Variants in CEP70 observed in about 807,000 individuals in gnomAD.
CEP70 encodes centrosomal protein of 70 kDa.
CEP70 carries 70 observed loss-of-function variants against 90.9 expected under a neutral mutation model. That is an observed-to-expected ratio of 0.77 (90% confidence interval 0.64 to 0.94). CEP70 has a LOEUF of 0.94. Among genes scored for constraint, CEP70 ranks in the 40% least tolerant of loss-of-function variants. The pLI is 0.00. For synonymous variants in CEP70, 220 were observed against 228.3 expected (o/e 0.96, Z 0.33); for missense variants, 648 against 669.0 (o/e 0.97, Z 0.35).
At chr3:138,506,687 T>G (rs2035016880) in intron 12 of CEP70, among the ~76,000 whole-genome samples, 1 of 152,184 alleles carries the variant, frequency 6.6e-6, no homozygotes, top group Non-Finnish European at 1.5e-5. Context: ...TTTAGAAGCT[T>G]TTTAAGTCCA....
At chr3:138,582,758 C>T (rs2041929988) in intron 2 of CEP70, among the ~76,000 whole-genome samples, 1 of 151,816 alleles carries the variant, frequency 6.6e-6, no homozygotes. Context: ...AACTAGACTC[C>T]ATCTCAAAAA....
intron 17 of CEP70, chr3:138,496,012 A>G: frequency 1.0e-6 from 1 of 985,380 alleles, no homozygotes; most frequent in Non-Finnish European, 1.2e-6. Flanking sequence ...TTTCTTCCTA[A>G]GACTATCTTA....
At chr3:138,591,784 T>C (rs751816125) in intron 2 of CEP70, 70 bp downstream of exon 2, 169 of 1,193,588 alleles carry the variant, frequency 1.4e-4, no homozygotes, top group Non-Finnish European at 2.0e-4. Context: ...CCTAGTATAG[T>C]ACTCAATAAA....
At chr3:138,527,462 A>G (rs907684721) in intron 10 of CEP70, among the ~76,000 whole-genome samples, 2 of 151,754 alleles carry the variant, frequency 1.3e-5, no homozygotes, top group Non-Finnish European at 2.9e-5. Context: ...TGGGAGGCCG[A>G]GGCGGGCGGA....
chr3:138,507,205 T>C (rs2035066372), intron 12 of CEP70, among the ~76,000 whole-genome samples: 1 of 152,106 alleles, frequency 6.6e-6, no homozygotes, highest in Non-Finnish European at 1.5e-5. Context: ...ACCTAGGAAA[T>C]AACAAGGTAT....
At chr3:138,511,846 T>C (rs779781577) in intron 11 of CEP70, among the ~76,000 whole-genome samples, 3 of 152,334 alleles carry the variant, frequency 2.0e-5, no homozygotes, top group African/African-American at 4.8e-5. Flanking sequence ...CATAGGAAAC[T>C]GGTTCACTTA....
intron 2 of CEP70, among the ~76,000 whole-genome samples, chr3:138,576,133 C>A (rs181192818): frequency 3.3e-5 from 5 of 152,044 alleles, no homozygotes; most frequent in African/African-American, 1.2e-4. Flanking sequence ...GGCTAAATGC[C>A]CCAATTAAAA....
intron 11 of CEP70, among the ~76,000 whole-genome samples, chr3:138,509,805 CTG>C (rs1168993157): frequency 1.3e-5 from 2 of 152,114 alleles, no homozygotes; most frequent in Non-Finnish European, 2.9e-5. Flanking sequence ...CATGCTGTAA[CTG>C]TATACATACA....
intron 2 of CEP70, among the ~76,000 whole-genome samples, chr3:138,576,302 C>T (rs1369009944): frequency 3.9e-5 from 6 of 152,084 alleles, no homozygotes; most frequent in African/African-American, 1.2e-4. Context: ...GGTTGCAATC[C>T]TAGTCTCTGA....
At chr3:138,545,416 A>G (rs925073141) in intron 6 of CEP70, among the ~76,000 whole-genome samples, 3 of 151,988 alleles carry the variant, frequency 2.0e-5, no homozygotes, top group African/African-American at 7.3e-5. Flanking sequence ...TAATCTCTTA[A>G]TCCTGTTATC....
At chr3:138,590,342 CTGG>C (rs2042318031) in intron 2 of CEP70, among the ~76,000 whole-genome samples, 2 of 152,028 alleles carry the variant, frequency 1.3e-5, no homozygotes, top group Non-Finnish European at 2.9e-5. Flanking sequence ...AATCTGAAGA[CTGG>C]AAGTAGAATA....
chr3:138,518,713 A>G (rs1029777032), intron 11 of CEP70, among the ~76,000 whole-genome samples: 5 of 152,206 alleles, frequency 3.3e-5, no homozygotes, highest in Non-Finnish European at 7.4e-5. Context: ...AAAGGTAGAT[A>G]AAACCACAAA....
chr3:138,570,990 A>G, intron 5 of CEP70, 44 bp downstream of exon 5: 1 of 1,444,234 alleles, frequency 6.9e-7, no homozygotes, highest in Non-Finnish European at 9.2e-7. Context: ...TTATTTTTAG[A>G]ACGCATACAA....
At chr3:138,523,460 G>T (rs1007935831) in intron 11 of CEP70, among the ~76,000 whole-genome samples, 2 of 152,088 alleles carry the variant, frequency 1.3e-5, no homozygotes, top group African/African-American at 2.4e-5. Flanking sequence ...TGACATGATT[G>T]TATATCTAGA....
At chr3:138,554,132 C>T (rs1379569841) in intron 6 of CEP70, among the ~76,000 whole-genome samples, 3 of 150,424 alleles carry the variant, frequency 2.0e-5, no homozygotes, top group East Asian at 2.0e-4. Flanking sequence ...ACCTGGGAGG[C>T]GGAGATTTCA....
chr3:138,531,066 C>T (rs892606692), intron 8 of CEP70, among the ~76,000 whole-genome samples: 2 of 152,124 alleles, frequency 1.3e-5, no homozygotes, highest in Non-Finnish European at 1.5e-5. Flanking sequence ...AAATATCTGA[C>T]CCAAGGATAA....
intron 10 of CEP70, among the ~76,000 whole-genome samples, chr3:138,528,500 T>C (rs2037504288): frequency 6.6e-6 from 1 of 152,196 alleles, no homozygotes; most frequent in South Asian, 2.1e-4. Context: ...TGATTAGCTT[T>C]AGAGCAAAGG....
At position 138,571,294 on chromosome 3, in the gene CEP70, C is replaced by T. The variant is rs1166738857; in HGVS notation, c.132G>A (p.Leu44=). ...VLLMMHGLKP[L]SLVKRTDLKD... ...TGAGATCTGTTCTTTTGACTAGAGA[C>T]AAAGGTTTTAAGCCATGCATCATCA... is the stretch of plus-strand genomic sequence containing the variant. The change falls in exon 4 of 18, where the codon TTG becomes TTA. Residue 44 remains leucine (L), a synonymous_variant. Transcript: ENST00000264982. The T allele has an allele frequency of 6.2e-7, 1 of 1,610,700 alleles. No homozygotes were observed. The highest frequency in any genetic ancestry group is 1.3e-5 in the African/African-American group (1 of 74,822).
chr3:138,513,679 T>C (rs946080484), intron 11 of CEP70, among the ~76,000 whole-genome samples: 1 of 152,224 alleles, frequency 6.6e-6, no homozygotes, highest in Non-Finnish European at 1.5e-5. Context: ...CTTTGACTCA[T>C]TGGCCTAACC....
Sources: allele counts gnomAD v4.1 joint callset (sites outside exome capture counted in the v4.1 genomes callset), GRCh38; gene constraint gnomAD v4.1.1; transcripts MANE v1.5; gene names NCBI Gene and HGNC (gene_info 2026-07-23, HGNC 2026-07-21).